Variants in GRIN1 observed in about 807,000 individuals in gnomAD.
The protein encoded by GRIN1 is glutamate receptor ionotropic, NMDA 1.
A neutral mutation model predicts 103.0 loss-of-function variants in GRIN1; 38 were observed. The observed-to-expected ratio is 0.37, with a 90% confidence interval of 0.28 to 0.48. The LOEUF (loss-of-function observed/expected upper bound fraction) is 0.48, where lower values mean the gene tolerates loss of function less well. Among genes scored for constraint, GRIN1 ranks in the 20% least tolerant of loss-of-function variants. GRIN1 has a pLI of 0.98. For synonymous variants in GRIN1, 544 were observed against 532.7 expected (o/e 1.02, Z -0.29); for missense variants, 577 against 1,288.9 (o/e 0.45, Z 8.46).
At position 137,168,033 on chromosome 9, in the gene GRIN1, G is replaced by A. The variant is rs1488631435; in HGVS notation, c.*506G>A. On this transcript the variant is annotated 3_prime_UTR_variant, in exon 20 of 20. Coordinates refer to ENST00000371561, the MANE Select transcript of GRIN1 (RefSeq NM_007327.4). ...GACCAAGGTGCGGACCGGAGCGGCT[G>A]AGGACGGGGCAGAGCTGAGTCGGCT... 7 of 656,916 alleles carry A rather than the reference G, an allele frequency of 1.1e-5. No individual in the cohort carries two copies. The East Asian group carries it at 1.6e-4, about 15-fold the overall frequency. The allele number at this position is 656,916 out of a possible 1,614,324, so 40.7% of individuals were successfully genotyped here.
At position 137,158,525 on chromosome 9, in the gene GRIN1, T is replaced by C. The variant is rs1226946837; in HGVS notation, c.1113+2T>C. On this transcript the variant is annotated splice_donor_variant, in intron 7 of 19. Coordinates refer to ENST00000371561, the MANE Select transcript of GRIN1 (RefSeq NM_007327.4). LOFTEE classifies it high-confidence loss of function. ...GTGGGCATCTACAATGGCACCCACG[T>C]AGGTGGGGGTCATGAGGGGGTGGGG... 1 of 1,612,604 alleles carries C rather than the reference T, an allele frequency of 6.2e-7. No homozygotes were observed. Among genetic ancestry groups the C allele is most frequent in the Non-Finnish European group, 8.5e-7 (1 of 1,179,722 alleles).
intron 4 of GRIN1, 31 bp downstream of exon 4, chr9:137,149,140 C>T: frequency 2.1e-6 from 3 of 1,413,698 alleles, no homozygotes; most frequent in Non-Finnish European, 3.0e-6. Context: ...ACACACTCCA[C>T]ACAGGATGGT....
At chr9:137,159,659 A>G (rs945404879) in intron 8 of GRIN1, among the ~76,000 whole-genome samples, 3 of 152,246 alleles carry the variant, frequency 2.0e-5, no homozygotes. Flanking sequence ...CTTTTTACAA[A>G]TTTGTTTCTG....
At position 137,162,461 on chromosome 9, in the gene GRIN1, G is replaced by C. The variant is rs141249927; in HGVS notation, c.1809G>C (p.Leu603=). 2.8e-4 allele frequency: 448 copies of C among 1,611,456 alleles called. 1 individual carries two copies. In the African/African-American group the frequency reaches 5.2e-3, roughly 19 times the overall value. The change falls in exon 13 of 20, where the codon CTG becomes CTC. Residue 603 remains leucine (L), a synonymous_variant. Transcript: ENST00000371561. Reference sequence around the variant, plus strand: ...AGGAGGAGGAGGACGCACTGACCCTGTCCTCGGCCATGTGGTTCTCCTGGG... The same window carrying C: ...AGGAGGAGGAGGACGCACTGACCCTCTCCTCGGCCATGTGGTTCTCCTGGG... The part of the protein sequence containing the change: ...SEEEEEDALT[L]SSAMWFSWGV...
intron 8 of GRIN1, 48 bp from the exon 9 acceptor site, chr9:137,161,008 G>C (rs753848477): frequency 1.2e-6 from 2 of 1,611,092 alleles, no homozygotes; most frequent in South Asian, 2.2e-5. Flanking sequence ...TGCCGCCCTG[G>C]GCAGCCTTAG....
chr9:137,158,275 A>G, intron 6 of GRIN1, 104 bp from the exon 7 acceptor site: 1 of 1,274,564 alleles, frequency 7.8e-7, no homozygotes, highest in Non-Finnish European at 1.1e-6. Flanking sequence ...GAGCAGGGAG[A>G]AGGAGCAGGG....
At chr9:137,141,188 G>A (rs961075329) in intron 1 of GRIN1, among the ~76,000 whole-genome samples, 2 of 152,244 alleles carry the variant, frequency 1.3e-5, no homozygotes, top group African/African-American at 4.8e-5. Context: ...GTGGGGCCAT[G>A]CAGTGCACGC....
At chr9:137,166,533 G>A (rs1833886720) in intron 19 of GRIN1, among the ~76,000 whole-genome samples, 1 of 152,126 alleles carries the variant, frequency 6.6e-6, no homozygotes, top group Admixed American at 6.5e-5. Flanking sequence ...TGCACTGGAA[G>A]CGGGGCAGAC....
chr9:137,165,136 G>A, intron 18 of GRIN1, 50 bp from the exon 19 acceptor site: 1 of 1,315,966 alleles, frequency 7.6e-7, no homozygotes, highest in Non-Finnish European at 1.1e-6. Context: ...GGCGAGGGCA[G>A]GTGTGGCCAC....
Position 137,145,752 on chromosome 9 carries a change from C to T in GRIN1, c.420C>T (p.Thr140=), listed in dbSNP as rs771424493. The change falls in exon 3 of 20, where the codon ACC becomes ACT. Residue 140 remains threonine, a synonymous_variant. Coordinates refer to ENST00000371561, the MANE Select transcript of GRIN1 (RefSeq NM_007327.4). ...GCATCCACCTGAGCTTCCTGCGCAC[C>T]GTGCCGCCCTACTCCCACCAGTCCA... is the stretch of plus-strand genomic sequence containing the variant. The part of the protein sequence containing the change: ...DKSIHLSFLR[T]VPPYSHQSSV... 14 of 1,613,304 alleles carry T rather than the reference C, an allele frequency of 8.7e-6. No homozygotes were observed. The highest frequency in any genetic ancestry group is 1.7e-5 in the Admixed American group (1 of 59,968).
rs200747846 is a variant in GRIN1 at position 137,139,622 on chromosome 9, G to A, written c.136G>A (p.Val46Met). ...GCACGAGCAGATGTTCCGCGAGGCC[G>A]TGAACCAGGCCAACAAGCGGCACGG... is the stretch of plus-strand genomic sequence containing the variant. ...RKHEQMFREA[V>M]NQANKRHGSW... The change falls in exon 1 of 20, where the codon GTG (valine) becomes ATG (methionine). Residue 46 changes from valine (V) to methionine (M), a missense_variant. Coordinates refer to ENST00000371561, the MANE Select transcript of GRIN1 (RefSeq NM_007327.4). The surrounding 1 kb of genome is among the most constrained non-coding windows in gnomAD (Gnocchi z 7.7). The A allele has an allele frequency of 1.2e-6, 2 of 1,613,614 alleles. No individual in the cohort carries two copies. The highest frequency in any genetic ancestry group is 2.2e-5 in the East Asian group (1 of 44,884).
In GRIN1 at chr9:137,155,666, C is replaced by G. The variant is rs147201478; in HGVS notation, c.672-1003C>G. On this transcript the variant is annotated intron_variant, in intron 4 of 19. Transcript: ENST00000371561. ...GCCCTGCAGAGAAAGGTCTGACAGACGGGGGTGAGGGAAGACCCCCCAAAG... is the reference window on the plus strand; with the variant it reads ...GCCCTGCAGAGAAAGGTCTGACAGAGGGGGGTGAGGGAAGACCCCCCAAAG... 3.3e-3 allele frequency among the ~76,000 whole-genome samples: 504 copies of G among 152,332 alleles called. 2 individuals are homozygous for G. The highest frequency in any genetic ancestry group is 5.9e-3 in the Non-Finnish European group (404 of 68,026).
At chr9:137,151,927 G>A (rs1832940420) in intron 4 of GRIN1, among the ~76,000 whole-genome samples, 1 of 100,360 alleles carries the variant, frequency 1.0e-5, no homozygotes. Flanking sequence ...TTTTCTTTGA[G>A]ATGGAGTCTC....
At chr9:137,163,132 A>C (rs200919743) in intron 15 of GRIN1, 37 bp from the exon 16 acceptor site, 9 of 1,608,706 alleles carry the variant, frequency 5.6e-6, no homozygotes, top group Non-Finnish European at 7.6e-6. Flanking sequence ...CCAGGCTGGC[A>C]GGACCAAGGC....
chr9:137,144,522 GC>G (rs752313438), intron 2 of GRIN1, among the ~76,000 whole-genome samples: 20 of 152,108 alleles, frequency 1.3e-4, no homozygotes, highest in Non-Finnish European at 2.1e-4. Flanking sequence ...GGGCGTGGTG[GC>G]GGGCGCCTGT....
At position 137,161,276 on chromosome 9, in the gene GRIN1, C is replaced by T; in HGVS notation, c.1340-13C>T. ...GGTCTGGAGCCCAGCAGTTACCGCC[C>T]GCACCTACCCAGCCCGCCACACGGT... On this transcript the variant is annotated splice_polypyrimidine_tract_variant and intron_variant, in intron 9 of 19. Transcript: ENST00000371561. The T allele has an allele frequency of 1.2e-6, 2 of 1,611,652 alleles. No individual in the cohort carries two copies. Among genetic ancestry groups the T allele is most frequent in the East Asian group, 2.2e-5 (1 of 44,824 alleles).
chr9:137,161,227 G>C (rs753412150), intron 9 of GRIN1, 30 bp downstream of exon 9: 1 of 1,606,916 alleles, frequency 6.2e-7, no homozygotes, highest in South Asian at 1.1e-5. Flanking sequence ...CGCGGGGCGC[G>C]GGGCAGGGCG....
Position 137,163,802 on chromosome 9 carries a change from C to T in GRIN1, c.2487C>T (p.Phe829=), listed in dbSNP as rs1382286669. The T allele has an allele frequency of 2.5e-6, 4 of 1,613,470 alleles. No homozygotes were observed. Among genetic ancestry groups the T allele is most frequent in the Middle Eastern group, 1.6e-4 (1 of 6,084 alleles). The change falls in exon 18 of 20, where the codon TTC becomes TTT. Residue 829 remains phenylalanine (F), a synonymous_variant. Coordinates refer to ENST00000371561, the MANE Select transcript of GRIN1 (RefSeq NM_007327.4). ...LVAGGIVAGI[F]LIFIEIAYKR... ...CTGGGGGCATCGTGGCCGGGATCTT[C>T]CTGATTTTCATCGAGATTGCCTACA...
chr9:137,145,953 G>A (rs530184192), intron 3 of GRIN1, 51 bp downstream of exon 3: 82 of 1,353,558 alleles, frequency 6.1e-5, no homozygotes, highest in Admixed American at 2.2e-4. Context: ...GGTGCAGGAC[G>A]GGCCGCCTTG....
Sources: gnomAD v4.1 joint callset for allele counts (sites outside exome capture counted in the v4.1 genomes callset) on GRCh38, gnomAD v4.1.1 for gene constraint, Gnocchi (gnomAD v3.1) non-coding constraint, MANE v1.5 for transcripts, NCBI Gene and HGNC (gene_info 2026-07-23, HGNC 2026-07-21) for gene names.